Variants in HS6ST3 observed in about 807,000 individuals in gnomAD.
HS6ST3 encodes the protein heparan-sulfate 6-O-sulfotransferase 3.
A neutral mutation model predicts 36.7 loss-of-function variants in HS6ST3; 12 were observed. That is an observed-to-expected ratio of 0.33 (90% CI 0.21 to 0.53). The LOEUF (loss-of-function observed/expected upper bound fraction) is 0.53, where lower values mean the gene tolerates loss of function less well. Among genes scored for constraint, HS6ST3 ranks in the 20% least tolerant of loss-of-function variants. The pLI is 0.95. For synonymous variants in HS6ST3, 240 were observed against 257.5 expected (o/e 0.93, Z 0.65); for missense variants, 584 against 640.9 (o/e 0.91, Z 0.96).
In HS6ST3 at chr13:96,796,491, C is replaced by T. The variant is rs1877915447; in HGVS notation, c.708-35999C>T. Reference sequence around the variant, plus strand: ...AACTTAATGAAGTTTTCAAGGTTAACTTTTTAAAGAAAACTCATATTTTTG... The same window carrying T: ...AACTTAATGAAGTTTTCAAGGTTAATTTTTTAAAGAAAACTCATATTTTTG... On this transcript the variant is annotated intron_variant, in intron 1 of 1. Coordinates refer to ENST00000376705, the MANE Select transcript of HS6ST3 (RefSeq NM_153456.4). Among the ~76,000 whole-genome samples the T allele has an allele frequency of 2.0e-5, 3 of 152,050 alleles. No homozygotes were observed. In the South Asian group the frequency reaches 6.2e-4, roughly 32 times the overall value.
intron 1 of HS6ST3, among the ~76,000 whole-genome samples, chr13:96,518,947 T>C (rs2056083080): frequency 6.6e-6 from 1 of 152,320 alleles, no homozygotes; most frequent in African/African-American, 2.4e-5. Flanking sequence ...CTATCCTTTC[T>C]ATGTACAAGC....
At chr13:96,686,149 T>C (rs921560482) in intron 1 of HS6ST3, among the ~76,000 whole-genome samples, 3 of 151,952 alleles carry the variant, frequency 2.0e-5, no homozygotes, top group African/African-American at 7.2e-5. Context: ...ACCATACACG[T>C]CTCCTCCAAT....
At chr13:96,298,656 T>C (rs1042919799) in intron 1 of HS6ST3, among the ~76,000 whole-genome samples, 1 of 152,206 alleles carries the variant, frequency 6.6e-6, no homozygotes, top group Non-Finnish European at 1.5e-5. Context: ...TCTACAGCAA[T>C]TGCAAAATTT....
chr13:96,172,777 T>C (rs1481762531), intron 1 of HS6ST3, among the ~76,000 whole-genome samples: 1 of 152,172 alleles, frequency 6.6e-6, no homozygotes, highest in Non-Finnish European at 1.5e-5. Context: ...TCTTAACCTC[T>C]AAAGGTGTTG....
At chr13:96,573,827 G>T in intron 1 of HS6ST3, 1 of 406,490 alleles carries the variant, frequency 2.5e-6, no homozygotes, top group East Asian at 6.4e-5. Context: ...ACTTAACTCT[G>T]GGACCTGGAA....
At chr13:96,558,752 G>T (rs1318649900) in intron 1 of HS6ST3, among the ~76,000 whole-genome samples, 1 of 152,126 alleles carries the variant, frequency 6.6e-6, no homozygotes. Flanking sequence ...TAACATCAAT[G>T]TGAGCTTTTT....
intron 1 of HS6ST3, among the ~76,000 whole-genome samples, chr13:96,569,780 G>A (rs1397763884): frequency 6.6e-6 from 1 of 152,162 alleles, no homozygotes; most frequent in Admixed American, 6.5e-5. Context: ...AATGTGGGGT[G>A]CAGAAAAATG....
chr13:96,406,067 A>G (rs2055476760), intron 1 of HS6ST3, among the ~76,000 whole-genome samples: 1 of 152,192 alleles, frequency 6.6e-6, no homozygotes, highest in Non-Finnish European at 1.5e-5. Flanking sequence ...TAATCTTTTT[A>G]TGCTAGGTAC....
chr13:96,513,259 TC>T (rs1222075861), intron 1 of HS6ST3, among the ~76,000 whole-genome samples: 5 of 152,116 alleles, frequency 3.3e-5, no homozygotes, highest in African/African-American at 4.8e-5. Context: ...CCTTGATCTT[TC>T]TGTGTATTTT....
rs182711748 is a variant in HS6ST3, at chr13:96,537,197, G to C, written c.708-295293G>C. Among the ~76,000 whole-genome samples the C allele has an allele frequency of 1.8e-4, 28 of 152,296 alleles. 1 individual carries two copies. The East Asian group carries it at 5.0e-3, about 27-fold the overall frequency. ...AAAGGCTTATCTTACGTGGAAGCAGGCAAGAGAGAATGAGAACGAAGAGAA... is the reference window on the plus strand; with the variant it reads ...AAAGGCTTATCTTACGTGGAAGCAGCCAAGAGAGAATGAGAACGAAGAGAA... On this transcript the variant is annotated intron_variant, in intron 1 of 1. Transcript: ENST00000376705.
chr13:96,590,299 C>A (rs2056377707), intron 1 of HS6ST3, among the ~76,000 whole-genome samples: 1 of 152,138 alleles, frequency 6.6e-6, no homozygotes, highest in Admixed American at 6.6e-5. Context: ...TTTACATTCC[C>A]ACCAACAGTG....
At chr13:96,447,079 T>A (rs1277344243) in intron 1 of HS6ST3, among the ~76,000 whole-genome samples, 1 of 152,156 alleles carries the variant, frequency 6.6e-6, no homozygotes, top group Non-Finnish European at 1.5e-5. Flanking sequence ...CCGTCCTGTG[T>A]TCTGTTGACT....
chr13:96,398,984 G>T (rs943745839), intron 1 of HS6ST3, among the ~76,000 whole-genome samples: 1 of 152,198 alleles, frequency 6.6e-6, no homozygotes, highest in African/African-American at 2.4e-5. Context: ...ATGCACCTTG[G>T]TTGACAACTT....
chr13:96,378,133 G>C (rs2055323460), intron 1 of HS6ST3, among the ~76,000 whole-genome samples: 1 of 152,142 alleles, frequency 6.6e-6, no homozygotes, highest in Non-Finnish European at 1.5e-5. Context: ...AGTGATTGAA[G>C]AATGCTATTG....
intron 1 of HS6ST3, among the ~76,000 whole-genome samples, chr13:96,317,571 A>G (rs2054982236): frequency 6.6e-6 from 1 of 151,398 alleles, no homozygotes; most frequent in East Asian, 1.9e-4. Context: ...CTTTGGGTAT[A>G]TACTTAGTAA....
At chr13:96,179,452 G>A (rs2139339074) in intron 1 of HS6ST3, among the ~76,000 whole-genome samples, 1 of 152,310 alleles carries the variant, frequency 6.6e-6, no homozygotes, top group East Asian at 1.9e-4. Flanking sequence ...TCACCTTGGA[G>A]TCATTCATTT....
At chr13:96,643,731 T>C (rs968196298) in intron 1 of HS6ST3, among the ~76,000 whole-genome samples, 3 of 151,806 alleles carry the variant, frequency 2.0e-5, no homozygotes, top group African/African-American at 7.2e-5. Context: ...AATAATTATA[T>C]GGAAATAGAG....
chr13:96,504,447 A>G (rs2056017926), intron 1 of HS6ST3, among the ~76,000 whole-genome samples: 1 of 152,180 alleles, frequency 6.6e-6, no homozygotes, highest in Non-Finnish European at 1.5e-5. Flanking sequence ...CTGCTTAGCA[A>G]TGAATGTTAC....
chr13:96,301,739 A>T (rs1264642916), intron 1 of HS6ST3, among the ~76,000 whole-genome samples: 1 of 151,776 alleles, frequency 6.6e-6, no homozygotes, highest in Non-Finnish European at 1.5e-5. Context: ...TAAAAATACA[A>T]CAAACAAACA....
Sources: allele counts gnomAD v4.1 joint callset (sites outside exome capture counted in the v4.1 genomes callset), GRCh38; gene constraint gnomAD v4.1.1; transcripts MANE v1.5; gene names NCBI Gene and HGNC (gene_info 2026-07-23, HGNC 2026-07-21).